The following IL7R variants were observed in gnomAD, a reference collection of about 807,000 sequenced individuals.
IL7R encodes the protein interleukin 7 receptor, also known as interleukin-7 receptor subunit alpha.
IL7R carries 38 observed loss-of-function variants against 47.0 expected under a neutral mutation model. The observed-to-expected ratio is 0.81, with a 90% CI of 0.62 to 1.06. IL7R has a LOEUF of 1.06. Ranked by LOEUF, IL7R falls within the 50% of genes least tolerant of loss-of-function variation. The pLI, the probability that IL7R is intolerant of heterozygous loss-of-function variation, is 0.00. For synonymous variants in IL7R, 221 were observed against 199.8 expected (o/e 1.11, Z -0.89); for missense variants, 633 against 534.8 (o/e 1.18, Z -1.81).
intron 2 of IL7R, among the ~76,000 whole-genome samples, chr5:35,862,150 G>A (rs1222947545): frequency 6.6e-6 from 1 of 152,028 alleles, no homozygotes; most frequent in Non-Finnish European, 1.5e-5. Flanking sequence ...CATTTTCCAG[G>A]AATAAAATAT....
Position 35,878,602 on chromosome 5 carries a change from T to A in IL7R, c.*2116T>A, listed in dbSNP as rs1014715870. On this transcript the variant is annotated 3_prime_UTR_variant, in exon 8 of 8. Coordinates refer to ENST00000303115, the MANE Select transcript of IL7R (RefSeq NM_002185.5). ...CATCAGTGGGCAGGTGTTCTTTACC[T>A]TTTGTAGAAATGGGAGTCAAGTCTC... 3 of 232,758 alleles carry A rather than the reference T, an allele frequency of 1.3e-5. No homozygotes were observed. The highest frequency in any genetic ancestry group is 4.4e-5 in the African/African-American group (2 of 45,324). 14.4% of individuals were successfully genotyped at this position (232,758 alleles called of 1,614,324 possible). A position where few individuals can be genotyped will look rare whatever the true frequency, so the allele number is the denominator to read the frequency against.
chr5:35,867,718 C>T, intron 3 of IL7R: 1 of 605,354 alleles, frequency 1.7e-6, no homozygotes, highest in Non-Finnish European at 2.9e-6. Flanking sequence ...AAGTGGCTAA[C>T]TGGAGCTGGG....
chr5:35,876,522 A>G lies in IL7R; in HGVS notation c.*36A>G, dbSNP rs780530930. 6.3e-7 allele frequency: 1 copy of G among 1,598,736 alleles called. No homozygotes were observed. The highest frequency in any genetic ancestry group is 8.5e-7 in the Non-Finnish European group (1 of 1,179,116). Reference sequence around the variant, plus strand: ...ACCCAGACTGAACTTACCGTGAGCGACAAAGATGATTTAAAAGGGAAGTCT... The same window carrying G: ...ACCCAGACTGAACTTACCGTGAGCGGCAAAGATGATTTAAAAGGGAAGTCT... On this transcript the variant is annotated 3_prime_UTR_variant, in exon 8 of 8. Transcript: ENST00000303115.
chr5:35,869,326 C>A (rs544387610), intron 3 of IL7R, among the ~76,000 whole-genome samples: 4 of 152,216 alleles, frequency 2.6e-5, no homozygotes, highest in African/African-American at 7.2e-5. Flanking sequence ...GAATCTATTC[C>A]CTCTGAAGTA....
chr5:35,875,604 C>A lies in IL7R; in HGVS notation c.876+17C>A. 1 of 1,586,984 alleles carries A rather than the reference C, an allele frequency of 6.3e-7. No homozygotes were observed. The highest frequency in any genetic ancestry group is 8.7e-7 in the Non-Finnish European group (1 of 1,155,300). ...CCAAGAAAAGTGAGTGTTTTTGGTG[C>A]TTAAAAAGTGTTGTGTTGGCAACAT... On this transcript the variant is annotated intron_variant, in intron 7 of 7. Transcript: ENST00000303115.
rs1760226477 is a variant in IL7R, at chr5:35,876,691, A to C, written c.*205A>C. ...CATGAGTCAAGAGCATCCTGCTTCT[A>C]CCATGTGGATTTGGTCACAAGGTTT... On this transcript the variant is annotated 3_prime_UTR_variant, in exon 8 of 8. Transcript: ENST00000303115. 3 of 617,908 alleles carry C rather than the reference A, an allele frequency of 4.9e-6. No individual in the cohort carries two copies. The highest frequency in any genetic ancestry group is 8.6e-6 in the Non-Finnish European group (3 of 348,822). The allele number at this position is 617,908 out of a possible 1,614,324, so 38.3% of individuals were successfully genotyped here.
chr5:35,862,774 T>G (rs557995469), intron 2 of IL7R, among the ~76,000 whole-genome samples: 1 of 152,140 alleles, frequency 6.6e-6, no homozygotes, highest in Admixed American at 6.6e-5. Context: ...GGTTGGGGCC[T>G]GTAATTGGAT....
chr5:35,868,356 G>A (rs997535178), intron 3 of IL7R, among the ~76,000 whole-genome samples: 63 of 152,196 alleles, frequency 4.1e-4, no homozygotes, highest in African/African-American at 1.5e-3. Context: ...ATAAGAAAGA[G>A]TAAGAAACCT....
chr5:35,867,248 C>A (rs748202542), intron 2 of IL7R, 58 bp from the exon 3 acceptor site: 1 of 1,462,914 alleles, frequency 6.8e-7, no homozygotes, highest in Non-Finnish European at 9.6e-7. Context: ...TGATACTATT[C>A]CACTGCATAC....
At chr5:35,860,204 C>G (rs1235719269) in intron 1 of IL7R, among the ~76,000 whole-genome samples, 1 of 152,136 alleles carries the variant, frequency 6.6e-6, no homozygotes, top group Non-Finnish European at 1.5e-5. Context: ...AAATCGGAGT[C>G]CTGCCAGATC....
rs147928920 is a variant in IL7R at position 35,870,543 on chromosome 5, T to C, written c.380-513T>C. Among the ~76,000 whole-genome samples the C allele has an allele frequency of 1.1e-3, 173 of 152,330 alleles. 1 individual carries two copies. The highest frequency in any genetic ancestry group is 4.0e-3 in the African/African-American group (168 of 41,574). ...GGCTCATTAGTAACAAGTTCTCCAA[T>C]ATTCAAAAGGCAAAGTGGATGTGTT... On this transcript the variant is annotated intron_variant, in intron 3 of 7. Coordinates refer to ENST00000303115, the MANE Select transcript of IL7R (RefSeq NM_002185.5).
chr5:35,874,276 C>A (rs1370869211), intron 5 of IL7R, among the ~76,000 whole-genome samples, 173 bp from the exon 6 acceptor site: 3 of 152,128 alleles, frequency 2.0e-5, no homozygotes, highest in African/African-American at 7.2e-5. Flanking sequence ...CAAGTCAATG[C>A]CTTTTAAACC....
In IL7R at chr5:35,877,843, C is replaced by T. The variant is rs1177527344; in HGVS notation, c.*1357C>T. On this transcript the variant is annotated 3_prime_UTR_variant, in exon 8 of 8. Transcript: ENST00000303115. ...AGTCAAGGCAACTGAGTAATGTCAG[C>T]TCAGCAAAGTGCAGCAAACCCATCT... 2 of 233,194 alleles carry T rather than the reference C, an allele frequency of 8.6e-6. 1 individual carries two copies. Among genetic ancestry groups the T allele is most frequent in the Non-Finnish European group, 1.7e-5 (2 of 118,078 alleles). The allele number at this position is 233,194 out of a possible 1,614,324, so 14.4% of individuals were successfully genotyped here. A position where few individuals can be genotyped will look rare whatever the true frequency, so the allele number is the denominator to read the frequency against.
rs777033414 is a variant in IL7R, at chr5:35,876,106, G to T, written c.1000G>T (p.Glu334Ter). The T allele has an allele frequency of 6.2e-7, 1 of 1,614,188 alleles. No individual in the cohort carries two copies. Among genetic ancestry groups the T allele is most frequent in the Non-Finnish European group, 8.5e-7 (1 of 1,180,028 alleles). The change falls in exon 8 of 8, where the codon GAA (glutamate) becomes TAA (stop). Residue 334 changes from glutamate to a stop codon, truncating the protein, a stop_gained. Coordinates refer to ENST00000303115, the MANE Select transcript of IL7R (RefSeq NM_002185.5). LOFTEE classifies it high-confidence loss of function. ...AGATACGTTTCCTCAGCAACTAGAA[G>T]AATCTGAGAAGCAGAGGCTTGGAGG... ...LQDTFPQQLE[E>*]SEKQRLGGDV...
intron 3 of IL7R, among the ~76,000 whole-genome samples, chr5:35,870,188 C>T (rs1403635131): frequency 6.6e-6 from 1 of 152,226 alleles, no homozygotes; most frequent in African/African-American, 2.4e-5. Flanking sequence ...AGTCTCAGGA[C>T]CTTTCTAGGA....
chr5:35,877,582 G>A lies in IL7R; in HGVS notation c.*1096G>A, dbSNP rs935807463. 1.1e-4 allele frequency: 25 copies of A among 233,116 alleles called. No individual in the cohort carries two copies. Among genetic ancestry groups the A allele is most frequent in the Admixed American group, 3.4e-4 (6 of 17,788 alleles). 14.4% of individuals were successfully genotyped at this position (233,116 alleles called of 1,614,324 possible). A position where few individuals can be genotyped will look rare whatever the true frequency, so the allele number is the denominator to read the frequency against. On this transcript the variant is annotated 3_prime_UTR_variant, in exon 8 of 8. Coordinates refer to ENST00000303115, the MANE Select transcript of IL7R (RefSeq NM_002185.5). ...ACGTTTGACGAGTGAGAGGAGGCATGACCCCTCCCATGTGTATAGACACTA... is the reference window on the plus strand; with the variant it reads ...ACGTTTGACGAGTGAGAGGAGGCATAACCCCTCCCATGTGTATAGACACTA...
At chr5:35,873,796 C>A in intron 5 of IL7R, 148 bp downstream of exon 5, 1 of 784,118 alleles carries the variant, frequency 1.3e-6, no homozygotes, top group Non-Finnish European at 2.3e-6. Flanking sequence ...GAATGACTTG[C>A]CTGCTGTCTT....
At position 35,877,690 on chromosome 5, in the gene IL7R, A is replaced by T. The variant is rs1448000570; in HGVS notation, c.*1204A>T. The T allele has an allele frequency of 1.7e-5, 4 of 233,240 alleles. No homozygotes were observed. Among genetic ancestry groups the T allele is most frequent in the Non-Finnish European group, 3.4e-5 (4 of 118,072 alleles). The allele number at this position is 233,240 out of a possible 1,614,324, so 14.4% of individuals were successfully genotyped here. Reference sequence around the variant, plus strand: ...CAAACTTCAGGGAGAAAGAGTTACAAGTACATGCAATGAGTGAACTGACTG... The same window carrying T: ...CAAACTTCAGGGAGAAAGAGTTACATGTACATGCAATGAGTGAACTGACTG... On this transcript the variant is annotated 3_prime_UTR_variant, in exon 8 of 8. Transcript: ENST00000303115.
chr5:35,860,337 A>T (rs1759769599), intron 1 of IL7R, among the ~76,000 whole-genome samples: 1 of 152,280 alleles, frequency 6.6e-6, no homozygotes, highest in African/African-American at 2.4e-5. Flanking sequence ...AAAAAGCAAA[A>T]TTCTGACTGC....
Sources: gnomAD v4.1 joint callset for allele counts (sites outside exome capture counted in the v4.1 genomes callset) on GRCh38, gnomAD v4.1.1 for gene constraint, MANE v1.5 for transcripts, NCBI Gene and HGNC (gene_info 2026-07-23, HGNC 2026-07-21) for gene names.